Variants in MAP3K2 observed in about 807,000 individuals in gnomAD.
MAP3K2 encodes mitogen-activated protein kinase kinase kinase 2.
Under a neutral mutation model 80.3 loss-of-function variants are expected in MAP3K2, and 24 were observed. The observed-to-expected ratio is 0.30, with a 90% CI of 0.22 to 0.42. MAP3K2 has a LOEUF of 0.42. Among genes scored for constraint, MAP3K2 ranks in the 10% least tolerant of loss-of-function variants. MAP3K2 has a pLI of 1.00. For missense variants in MAP3K2, 608 were observed against 750.1 expected, an observed-to-expected ratio of 0.81 and a Z score of 2.21; for synonymous variants, 244 against 253.7, an observed-to-expected ratio of 0.96 and a Z score of 0.36.
At chr2:127,361,774 C>CA (rs1686896966) in intron 1 of MAP3K2, among the ~76,000 whole-genome samples, 1 of 152,122 alleles carries the variant, frequency 6.6e-6, no homozygotes, top group Admixed American at 6.5e-5. Flanking sequence ...CCTTAGGACA[C>CA]AAAGTATTGT....
In MAP3K2 at chr2:127,305,397, A is replaced by C. The variant is rs1685677080; in HGVS notation, c.*2182T>G. ...CACCTCATTCTTGTTCTTCCCTGCAAACTGCTTCAATTTTAAGAATATGAG... is the reference window on the plus strand; with the variant it reads ...CACCTCATTCTTGTTCTTCCCTGCACACTGCTTCAATTTTAAGAATATGAG... On this transcript the variant is annotated 3_prime_UTR_variant, in exon 17 of 17. Coordinates refer to ENST00000682094, the MANE Select transcript of MAP3K2 (RefSeq NM_001371910.2). 6.6e-6 allele frequency: 1 copy of C among 152,168 alleles called. No homozygotes were observed. Among genetic ancestry groups the C allele is most frequent in the Non-Finnish European group, 1.5e-5 (1 of 67,994 alleles). 9.4% of individuals were successfully genotyped at this position (152,168 alleles called of 1,614,324 possible). A position where few individuals can be genotyped will look rare whatever the true frequency, so the allele number is the denominator to read the frequency against.
At chr2:127,371,246 T>C (rs1382247484) in intron 1 of MAP3K2, among the ~76,000 whole-genome samples, 5 of 151,946 alleles carry the variant, frequency 3.3e-5, no homozygotes, top group Non-Finnish European at 7.4e-5. Context: ...ATACGATGAG[T>C]TGTGCGAACA....
At chr2:127,388,459 T>G, upstream of MAP3K2, 1 of 967,742 alleles carries the variant, frequency 1.0e-6, no homozygotes. Flanking sequence ...CTGAGGGACT[T>G]TAGAAATTAC....
chr2:127,372,217 G>A (rs1687077518), intron 1 of MAP3K2, among the ~76,000 whole-genome samples: 1 of 152,170 alleles, frequency 6.6e-6, no homozygotes, highest in Non-Finnish European at 1.5e-5. Flanking sequence ...TGAGATACTA[G>A]TTATGATGGA....
chr2:127,384,668 C>CTT (rs759223038), intron 1 of MAP3K2, among the ~76,000 whole-genome samples: 5,041 of 144,840 alleles, frequency 0.035, 118 homozygotes, highest in Middle Eastern at 0.077. Flanking sequence ...ACAAAGTGGC[C>CTT]TTTTTTTTTT....
intron 1 of MAP3K2, among the ~76,000 whole-genome samples, chr2:127,369,517 A>G (rs572117612): frequency 6.6e-6 from 1 of 150,614 alleles, no homozygotes; most frequent in Non-Finnish European, 1.5e-5. Context: ...CAAGTAAAAA[A>G]TGACTTCATC....
At chr2:127,369,599 T>A (rs1438124866) in intron 1 of MAP3K2, among the ~76,000 whole-genome samples, 1 of 152,062 alleles carries the variant, frequency 6.6e-6, no homozygotes, top group Non-Finnish European at 1.5e-5. Flanking sequence ...CTGGCTTCCA[T>A]TTAATGATTT....
rs185357269 is a variant in MAP3K2 at position 127,339,829 on chromosome 2, T to C, written c.5-779A>G. Among the ~76,000 whole-genome samples the C allele has an allele frequency of 1.3e-5, 2 of 152,338 alleles. No homozygotes were observed. The highest frequency in any genetic ancestry group is 6.5e-5 in the Admixed American group (1 of 15,300). On this transcript the variant is annotated intron_variant, in intron 2 of 16. Coordinates refer to ENST00000682094, the MANE Select transcript of MAP3K2 (RefSeq NM_001371910.2). The surrounding 1 kb of genome is among the most constrained non-coding windows in gnomAD (Gnocchi z 4.2). ...CAGGGACAACTTAATTTATTTTCAC[T>C]AGTAAATCAATTCTACTAATGATAA...
At chr2:127,388,204 C>G, upstream of MAP3K2, 1 of 985,314 alleles carries the variant, frequency 1.0e-6, no homozygotes, top group Non-Finnish European at 1.2e-6. Flanking sequence ...CCGCCCCTGC[C>G]CCGGGGCAGC....
chr2:127,320,904 A>C (rs948902448), intron 12 of MAP3K2, among the ~76,000 whole-genome samples: 5 of 152,268 alleles, frequency 3.3e-5, no homozygotes, highest in African/African-American at 1.2e-4. Flanking sequence ...GAATCAGCTT[A>C]AGCCCAAGAG....
At chr2:127,388,284 C>T (rs1687422054), upstream of MAP3K2, 2 of 985,500 alleles carry the variant, frequency 2.0e-6, no homozygotes, top group African/African-American at 1.7e-5. Flanking sequence ...GGCCAGATCC[C>T]AGACATCCGA....
At chr2:127,353,279 G>C (rs555579560) in intron 1 of MAP3K2, among the ~76,000 whole-genome samples, 11 of 151,162 alleles carry the variant, frequency 7.3e-5, no homozygotes, top group Non-Finnish European at 1.6e-4. Flanking sequence ...GCCGCCCATC[G>C]TCTGAGATGT....
At chr2:127,374,167 C>T (rs895349578) in intron 1 of MAP3K2, among the ~76,000 whole-genome samples, 3 of 152,146 alleles carry the variant, frequency 2.0e-5, no homozygotes, top group African/African-American at 7.2e-5. Context: ...GCCTTAGAAA[C>T]TTTCTCCACT....
intron 1 of MAP3K2, 94 bp downstream of exon 1, chr2:127,387,358 C>G (rs375491286): frequency 6.8e-6 from 3 of 439,602 alleles, no homozygotes; most frequent in Non-Finnish European, 6.0e-6. Flanking sequence ...CGCCAGCCCC[C>G]CTCCCGGCGC....
intron 1 of MAP3K2, chr2:127,378,194 A>C: frequency 5.1e-6 from 5 of 979,764 alleles, no homozygotes; most frequent in Non-Finnish European, 6.1e-6. Context: ...TACAAAGAAA[A>C]ACCAAAGGTA....
At chr2:127,368,727 CTAATA>C (rs1687013755) in intron 1 of MAP3K2, among the ~76,000 whole-genome samples, 1 of 152,016 alleles carries the variant, frequency 6.6e-6, no homozygotes, top group African/African-American at 2.4e-5. Flanking sequence ...TTTTTAATAC[CTAATA>C]TAACTGCCAT....
chr2:127,356,441 A>T (rs572846409), intron 1 of MAP3K2, among the ~76,000 whole-genome samples: 14 of 151,536 alleles, frequency 9.2e-5, no homozygotes, highest in Admixed American at 9.2e-4. Flanking sequence ...TATATACTTT[A>T]ATTTAAAAAT....
At position 127,318,268 on chromosome 2, in the gene MAP3K2, T is replaced by A; in HGVS notation, c.1095A>T (p.Gly365=). ...NWRLGKLLGQ[G]AFGRVYLCYD... ...AACAGAGGTAGACCCTTCCAAAGGC[T>A]CCTTGGCCAAGCAGTTTGCCCAATC... is the stretch of plus-strand genomic sequence containing the variant. Residue 365 remains glycine, a synonymous_variant, in exon 13 of 17, where the codon GGA becomes GGT. Transcript: ENST00000682094. The A allele has an allele frequency of 6.2e-7, 1 of 1,609,272 alleles. No individual in the cohort carries two copies. The highest frequency in any genetic ancestry group is 8.5e-7 in the Non-Finnish European group (1 of 1,178,108).
In MAP3K2 at chr2:127,324,233, T is replaced by C; in HGVS notation, c.686A>G (p.Tyr229Cys). 1 of 1,547,074 alleles carries C rather than the reference T, an allele frequency of 6.5e-7. No individual in the cohort carries two copies. Among genetic ancestry groups the C allele is most frequent in the Non-Finnish European group, 8.7e-7 (1 of 1,145,588 alleles). ...SLDSPLDGES[Y>C]PKSRMPRAQS... ...AGCCCTAGGCATTCGTGATTTTGGA[T>C]AGCTCTCTCTATAAAGAAAAAACAT... Residue 229 changes from tyrosine to cysteine, a missense_variant, in exon 10 of 17, where the codon TAT (tyrosine) becomes TGT (cysteine). Tyr to Cys is a radical substitution (Grantham distance 194). This residue lies in a region of MAP3K2 where 467 missense variants were observed against 521.9 expected (regional missense o/e 0.89). Transcript: ENST00000682094.
Sources: allele counts gnomAD v4.1 joint callset (sites outside exome capture counted in the v4.1 genomes callset), GRCh38; gene constraint gnomAD v4.1.1; regional missense constraint gnomAD v4.1.1; non-coding constraint Gnocchi (gnomAD v3.1); transcripts MANE v1.5; gene names NCBI Gene and HGNC (gene_info 2026-07-23, HGNC 2026-07-21).